Variants in SH3YL1 observed in about 807,000 individuals in gnomAD.
SH3YL1 encodes SH3 and SYLF domain containing 1.
Under a neutral mutation model 45.8 loss-of-function variants are expected in SH3YL1, and 41 were observed. The ratio of observed to expected loss-of-function variants is 0.89; its 90% CI spans 0.70 to 1.16. The LOEUF is 1.16. Among genes scored for constraint, SH3YL1 ranks in the 50% most tolerant of loss-of-function variants. SH3YL1 has a pLI of 0.00. For synonymous variants in SH3YL1, 152 were observed against 151.4 expected (o/e 1.00, Z -0.03); for missense variants, 389 against 409.6 (o/e 0.95, Z 0.43).
At chr2:256,616 C>T (rs2103056518) in intron 1 of SH3YL1, 1 of 152,252 alleles carries the variant, frequency 6.6e-6, no homozygotes, top group East Asian at 1.9e-4. Context: ...TCACTTGAAC[C>T]TGGAAGGTGG....
At chr2:234,113 T>A (rs774709931) in intron 5 of SH3YL1, 47 bp downstream of exon 5, 38 of 1,305,318 alleles carry the variant, frequency 2.9e-5, no homozygotes, top group Non-Finnish European at 3.9e-5. Flanking sequence ...AAATAAAATA[T>A]GCAGTTGTTA....
At chr2:260,898 CTGTAAA>C (rs2103061763) in intron 1 of SH3YL1, 1 of 151,984 alleles carries the variant, frequency 6.6e-6, no homozygotes, top group South Asian at 2.1e-4. Flanking sequence ...ATGGCCTGAT[CTGTAAA>C]CACGGGAAGA....
At chr2:231,808 G>A (rs921117126) in intron 6 of SH3YL1, among the ~76,000 whole-genome samples, 6 of 152,192 alleles carry the variant, frequency 3.9e-5, no homozygotes, top group Non-Finnish European at 8.8e-5. Context: ...AAAGCCAGGA[G>A]TTAACACATC....
rs1667730467 is a variant in SH3YL1, at chr2:224,932, G to A, written c.782-12C>T. The A allele has an allele frequency of 6.2e-7, 1 of 1,606,616 alleles. No homozygotes were observed. Among genetic ancestry groups the A allele is most frequent in the Admixed American group, 1.7e-5 (1 of 59,908 alleles). ...TTCATTTCTGTTACCTGCCAAAAAA[G>A]AGGAGAGTGGTGATTTTGAAAACTG... On this transcript the variant is annotated splice_polypyrimidine_tract_variant and intron_variant, in intron 8 of 9. Coordinates refer to ENST00000356150, the MANE Select transcript of SH3YL1 (RefSeq NM_015677.4).
intron 2 of SH3YL1, among the ~76,000 whole-genome samples, chr2:251,485 AGACT>A (rs2103049913): frequency 6.6e-6 from 1 of 152,310 alleles, no homozygotes; most frequent in East Asian, 1.9e-4. Flanking sequence ...TCTCTTACTT[AGACT>A]AACATGCAAA....
chr2:241,272 T>C (rs1413317694), intron 4 of SH3YL1: 3 of 152,088 alleles, frequency 2.0e-5, no homozygotes, highest in African/African-American at 7.2e-5. Context: ...TTAAGCAACA[T>C]GAACAATTTA....
chr2:219,061 G>T, intron 9 of SH3YL1, 60 bp from the exon 10 acceptor site: 1 of 1,423,114 alleles, frequency 7.0e-7, no homozygotes. Context: ...GGGGGTATCT[G>T]CTGGTAAGAT....
intron 7 of SH3YL1, 91 bp from the exon 8 acceptor site, chr2:230,135 A>G: frequency 1.1e-6 from 1 of 932,648 alleles, no homozygotes; most frequent in Admixed American, 2.5e-5. Context: ...GTTATGTAGC[A>G]AACTTTTATC....
At chr2:242,726 CAACAAT>C (rs1668596682) in intron 4 of SH3YL1, 1 of 1,403,356 alleles carries the variant, frequency 7.1e-7, no homozygotes, top group Admixed American at 2.9e-5. Flanking sequence ...ATGGATAAAA[CAACAAT>C]AACAACAACA....
Position 224,859 on chromosome 2 carries a change from T to C in SH3YL1, c.838+5A>G. 1 of 1,594,400 alleles carries C rather than the reference T, an allele frequency of 6.3e-7. No homozygotes were observed. Among genetic ancestry groups the C allele is most frequent in the Non-Finnish European group, 8.6e-7 (1 of 1,162,158 alleles). ...CATTTATAACATATAGATTTACTGA[T>C]TTACCAACTCTCTCATGATAGCTGG... On this transcript the variant is annotated splice_donor_5th_base_variant and intron_variant, in intron 9 of 9. Transcript: ENST00000356150.
chr2:221,632 C>T (rs1051650978), intron 9 of SH3YL1, among the ~76,000 whole-genome samples: 7 of 152,202 alleles, frequency 4.6e-5, no homozygotes, highest in East Asian at 1.9e-4. Flanking sequence ...CTGAGGGGGC[C>T]GGGATCTCAC....
At chr2:238,259 T>TGTGTGTGTG (rs1668391406) in intron 4 of SH3YL1, among the ~76,000 whole-genome samples, 1 of 141,860 alleles carries the variant, frequency 7.0e-6, no homozygotes, top group African/African-American at 2.7e-5. Flanking sequence ...TCCTCCCTCC[T>TGTGTGTGTG]TGTGTGTGTG....
At chr2:238,981 C>G (rs1668425522) in intron 4 of SH3YL1, among the ~76,000 whole-genome samples, 1 of 152,094 alleles carries the variant, frequency 6.6e-6, no homozygotes. Flanking sequence ...ATAAATTAAC[C>G]CCACGCCGGC....
chr2:257,399 GAGA>G (rs1669388816), intron 1 of SH3YL1, among the ~76,000 whole-genome samples: 1 of 152,326 alleles, frequency 6.6e-6, no homozygotes, highest in Middle Eastern at 3.4e-3. Context: ...AATGTGACCT[GAGA>G]AGAACTCCAT....
Position 249,831 on chromosome 2 carries a change from C to A in SH3YL1, c.126G>T (p.Ala42=). The A allele has an allele frequency of 6.4e-7, 1 of 1,551,344 alleles. No homozygotes were observed. Among genetic ancestry groups the A allele is most frequent in the Non-Finnish European group, 8.7e-7 (1 of 1,146,390 alleles). Residue 42 remains alanine, a synonymous_variant, in exon 3 of 10, where the codon GCG becomes GCT. Coordinates refer to ENST00000356150, the MANE Select transcript of SH3YL1 (RefSeq NM_015677.4). ...ACAGAATTGCAAGGCCTTTAGCCTT[C>A]GCAATTACGTGAGCTGTTAACGTGG... The part of the protein sequence containing the change: ...PDKIIPAHVI[A]KAKGLAILSV...
intron 4 of SH3YL1, among the ~76,000 whole-genome samples, chr2:237,822 A>C (rs1345253190): frequency 1.4e-5 from 2 of 146,670 alleles, no homozygotes; most frequent in Non-Finnish European, 3.1e-5. Flanking sequence ...ACTATAAATC[A>C]AAAAAAAAAT....
intron 8 of SH3YL1, among the ~76,000 whole-genome samples, chr2:229,210 G>C (rs542678811): frequency 6.6e-6 from 1 of 152,026 alleles, no homozygotes; most frequent in African/African-American, 2.4e-5. Context: ...ACCAAAACCT[G>C]GTGCTTTATA....
intron 1 of SH3YL1, chr2:262,842 T>C (rs1669642354): frequency 3.3e-6 from 2 of 602,410 alleles, no homozygotes; most frequent in African/African-American, 1.9e-5. Flanking sequence ...ATTTTAAACT[T>C]TTTTTTAACT....
chr2:227,534 C>T (rs371201667), intron 8 of SH3YL1, among the ~76,000 whole-genome samples: 80 of 151,922 alleles, frequency 5.3e-4, no homozygotes, highest in African/African-American at 1.9e-3. Flanking sequence ...GATTTCTACG[C>T]GGAGTTGTTG....
Sources: allele counts gnomAD v4.1 joint callset (sites outside exome capture counted in the v4.1 genomes callset), GRCh38; gene constraint gnomAD v4.1.1; transcripts MANE v1.5; gene names NCBI Gene and HGNC (gene_info 2026-07-23, HGNC 2026-07-21).